Variants in LIN52 observed in about 807,000 individuals in gnomAD.
LIN52 encodes the protein lin-52 DREAM MuvB core complex component.
In LIN52, 4 loss-of-function variants were observed where a neutral mutation model predicts 18.5. The ratio of observed to expected loss-of-function variants is 0.22; its 90% CI spans 0.11 to 0.49. The LOEUF is 0.49. Ranked by LOEUF, LIN52 falls within the 20% of genes least tolerant of loss-of-function variation. LIN52 has a pLI of 0.97. For synonymous variants in LIN52, 34 were observed against 45.5 expected (o/e 0.75, Z 1.02); for missense variants, 102 against 139.5 (o/e 0.73, Z 1.35).
intron 5 of LIN52, among the ~76,000 whole-genome samples, chr14:74,162,619 C>A (rs1410113221): frequency 6.6e-6 from 1 of 151,784 alleles, no homozygotes; most frequent in Non-Finnish European, 1.5e-5. Context: ...GTCTCAAACT[C>A]ATGGGCTCAA....
At chr14:74,148,801 G>A (rs17097188) in intron 5 of LIN52, among the ~76,000 whole-genome samples, 4 of 152,016 alleles carry the variant, frequency 2.6e-5, no homozygotes, top group Non-Finnish European at 4.4e-5. Context: ...TTAAGGGGGC[G>A]AAGTAACTTT....
intron 5 of LIN52, among the ~76,000 whole-genome samples, chr14:74,114,735 A>C (rs1037123647): frequency 1.3e-5 from 2 of 152,206 alleles, no homozygotes; most frequent in Non-Finnish European, 2.9e-5. Flanking sequence ...TAGTTCAGTC[A>C]TATTACCTAG....
chr14:74,156,674 A>G (rs1006039187), intron 5 of LIN52, among the ~76,000 whole-genome samples: 1 of 152,178 alleles, frequency 6.6e-6, no homozygotes, highest in Non-Finnish European at 1.5e-5. Context: ...TCCTCTGGCT[A>G]TTTGAAAATA....
chr14:74,158,319 G>A (rs2139562486), intron 5 of LIN52, among the ~76,000 whole-genome samples: 1 of 151,902 alleles, frequency 6.6e-6, no homozygotes, highest in South Asian at 2.1e-4. Context: ...CACCATGTTG[G>A]CCAGGCTGGT....
intron 5 of LIN52, among the ~76,000 whole-genome samples, chr14:74,143,919 C>A (rs1391896406): frequency 1.3e-5 from 2 of 152,126 alleles, no homozygotes; most frequent in East Asian, 3.8e-4. Flanking sequence ...AAACTTTCCT[C>A]ATCCTCCTCC....
At chr14:74,118,781 A>G (rs1283316661) in intron 5 of LIN52, among the ~76,000 whole-genome samples, 1 of 152,198 alleles carries the variant, frequency 6.6e-6, no homozygotes, top group East Asian at 1.9e-4. Flanking sequence ...TCTCAAAACA[A>G]AACACCTTTC....
intron 5 of LIN52, among the ~76,000 whole-genome samples, chr14:74,124,107 T>C (rs1355586827): frequency 6.6e-6 from 1 of 152,168 alleles, no homozygotes; most frequent in Non-Finnish European, 1.5e-5. Context: ...CATTTCCAAA[T>C]TGTAATGTTC....
chr14:74,128,840 A>G (rs2061043363), intron 5 of LIN52, among the ~76,000 whole-genome samples: 1 of 152,120 alleles, frequency 6.6e-6, no homozygotes, highest in Non-Finnish European at 1.5e-5. Context: ...GCTACTCAGG[A>G]GGCTGAGGCA....
rs2060787268 is a variant in LIN52, at chr14:74,093,524, C to G, written c.94+2218C>G. 2.0e-5 allele frequency among the ~76,000 whole-genome samples: 3 copies of G among 151,420 alleles called. 1 individual carries two copies. The highest frequency in any genetic ancestry group is 2.0e-4 in the Admixed American group (3 of 15,172). On this transcript the variant is annotated intron_variant, in intron 2 of 5. Coordinates refer to ENST00000555028, the MANE Select transcript of LIN52 (RefSeq NM_001024674.3). Reference sequence around the variant, plus strand: ...TATTTATAGTAGAGAAGAGGCTTCACCATGTTGGACAGGCTGGTCTTGAAC... The same window carrying G: ...TATTTATAGTAGAGAAGAGGCTTCAGCATGTTGGACAGGCTGGTCTTGAAC...
At chr14:74,185,501 G>A (rs975696055) in intron 5 of LIN52, among the ~76,000 whole-genome samples, 21 of 151,612 alleles carry the variant, frequency 1.4e-4, no homozygotes, top group Admixed American at 9.9e-4. Context: ...TTTTAGTAGA[G>A]ACGGGGTTTC....
intron 5 of LIN52, among the ~76,000 whole-genome samples, chr14:74,169,471 G>C (rs1250978796): frequency 6.6e-6 from 1 of 152,104 alleles, no homozygotes; most frequent in Non-Finnish European, 1.5e-5. Context: ...AGCATCATAA[G>C]TCTATTCCTC....
intron 5 of LIN52, among the ~76,000 whole-genome samples, chr14:74,190,389 CTTTT>C (rs68037994): frequency 3.3e-4 from 35 of 106,290 alleles, no homozygotes; most frequent in East Asian, 2.4e-3. Context: ...GCCTAAATAA[CTTTT>C]TTTTTTTTTT....
At chr14:74,086,650 G>A (rs765085016) in intron 1 of LIN52, among the ~76,000 whole-genome samples, 7 of 150,778 alleles carry the variant, frequency 4.6e-5, no homozygotes, top group South Asian at 2.1e-4. Flanking sequence ...GCGAGACCCC[G>A]TCTCAGAAAA....
At chr14:74,139,280 G>A (rs1464663531) in intron 5 of LIN52, among the ~76,000 whole-genome samples, 1 of 152,240 alleles carries the variant, frequency 6.6e-6, no homozygotes, top group Non-Finnish European at 1.5e-5. Context: ...TAATACAGAG[G>A]AAGAGGGAAC....
At chr14:74,186,938 G>T (rs192439891) in intron 5 of LIN52, among the ~76,000 whole-genome samples, 2 of 152,256 alleles carry the variant, frequency 1.3e-5, no homozygotes, top group East Asian at 3.9e-4. Flanking sequence ...TATTAGCCGG[G>T]CGTTATGGCA....
chr14:74,114,465 A>G (rs1165116690), intron 5 of LIN52: 2 of 982,382 alleles, frequency 2.0e-6, no homozygotes, highest in African/African-American at 1.8e-5. Flanking sequence ...GATTTTTCAG[A>G]TTTGGAATTT....
intron 5 of LIN52, among the ~76,000 whole-genome samples, chr14:74,178,878 C>G (rs528894661): frequency 2.6e-5 from 4 of 151,806 alleles, no homozygotes; most frequent in Admixed American, 2.0e-4. Context: ...GCCAGGAGTT[C>G]AGGACCAGCC....
At chr14:74,170,506 CAA>C (rs57293533) in intron 5 of LIN52, among the ~76,000 whole-genome samples, 10 of 149,588 alleles carry the variant, frequency 6.7e-5, no homozygotes, top group African/African-American at 1.7e-4. Context: ...TTACCAACCT[CAA>C]AAAAAAAAAT....
At chr14:74,136,949 G>A (rs570341263) in intron 5 of LIN52, among the ~76,000 whole-genome samples, 31 of 151,814 alleles carry the variant, frequency 2.0e-4, no homozygotes, top group African/African-American at 5.8e-4. Flanking sequence ...TTAAAATCCC[G>A]GATTTCCTTG....
Sources: allele counts gnomAD v4.1 joint callset (sites outside exome capture counted in the v4.1 genomes callset), GRCh38; gene constraint gnomAD v4.1.1; transcripts MANE v1.5; gene names NCBI Gene and HGNC (gene_info 2026-07-23, HGNC 2026-07-21).